Variants in CHD7 observed in about 807,000 individuals in gnomAD.
The protein encoded by CHD7 is chromodomain helicase DNA binding protein 7, also known as ATP-dependent chromatin remodeler CHD7.
Under a neutral mutation model 307.3 loss-of-function variants are expected in CHD7, and 24 were observed. The ratio of observed to expected loss-of-function variants is 0.08; its 90% CI spans 0.06 to 0.11. The LOEUF is 0.11. Among genes scored for constraint, CHD7 ranks in the 10% least tolerant of loss-of-function variants. CHD7 has a pLI of 1.00. For synonymous variants in CHD7, 1,363 were observed against 1,349.9 expected (o/e 1.01, Z -0.21); for missense variants, 3,106 against 3,727.1 (o/e 0.83, Z 4.34).
intron 1 of CHD7, chr8:60,679,689 A>G (rs1269873972): frequency 6.8e-6 from 1 of 146,458 alleles, no homozygotes; most frequent in Admixed American, 6.8e-5. Flanking sequence ...CTCCGGACCG[A>G]CCACGCCGCG....
At chr8:60,744,458 T>G (rs1809218318) in intron 2 of CHD7, among the ~76,000 whole-genome samples, 1 of 140,140 alleles carries the variant, frequency 7.1e-6, no homozygotes, top group Non-Finnish European at 1.5e-5. Context: ...ACAAAGCCAC[T>G]CAGGGCATCT....
intron 1 of CHD7, among the ~76,000 whole-genome samples, chr8:60,735,181 A>AT (rs1808639985): frequency 6.6e-6 from 1 of 152,158 alleles, no homozygotes; most frequent in Admixed American, 6.5e-5. Flanking sequence ...AACCTTGAAT[A>AT]TTTTTTAAAT....
At position 60,680,571 on chromosome 8, in the gene CHD7, C is replaced by T. The variant is rs1805570360; in HGVS notation, c.-175+1489C>T. Among the ~76,000 whole-genome samples the T allele has an allele frequency of 2.0e-5, 3 of 152,160 alleles. No homozygotes were observed. In the South Asian group the frequency reaches 6.2e-4, roughly 31 times the overall value. ...CGGAGCCGTGGGAGCGCACCCCAAA[C>T]TCCCGGCCGGCCGCCCGCTTTGTGA... On this transcript the variant is annotated intron_variant, in intron 1 of 37. Coordinates refer to ENST00000423902, the MANE Select transcript of CHD7 (RefSeq NM_017780.4).
At position 60,741,287 on chromosome 8, in the gene CHD7, G is replaced by T. The variant is rs921036891; in HGVS notation, c.-146G>T. On this transcript the variant is annotated 5_prime_UTR_variant, in exon 2 of 38. Coordinates refer to ENST00000423902, the MANE Select transcript of CHD7 (RefSeq NM_017780.4). ...CTATATCCAGACTTTGCCTGACACT[G>T]CAGGGTCCAAGAGAATTAAAGAAAT... The T allele has an allele frequency of 1.5e-4, 101 of 674,854 alleles. No homozygotes were observed. Among genetic ancestry groups the T allele is most frequent in the Non-Finnish European group, 1.5e-5 (6 of 397,428 alleles). 41.8% of individuals were successfully genotyped at this position (674,854 alleles called of 1,614,324 possible).
At chr8:60,849,931 A>G (rs1186388589) in intron 25 of CHD7, among the ~76,000 whole-genome samples, 4 of 152,180 alleles carry the variant, frequency 2.6e-5, no homozygotes, top group African/African-American at 9.7e-5. Flanking sequence ...GCCATTTTCC[A>G]TCTAGTCAAC....
chr8:60,840,979 T>A (rs1046452482), intron 19 of CHD7, among the ~76,000 whole-genome samples: 1 of 152,224 alleles, frequency 6.6e-6, no homozygotes, highest in Non-Finnish European at 1.5e-5. Flanking sequence ...TGTAAATTAT[T>A]ACAGTGGCTT....
At chr8:60,812,577 T>C (rs1343026905) in intron 7 of CHD7, among the ~76,000 whole-genome samples, 1 of 150,116 alleles carries the variant, frequency 6.7e-6, no homozygotes. Flanking sequence ...GGCAGGAGAA[T>C]CGCTTGAACC....
In CHD7 at chr8:60,852,610, C is replaced by G; in HGVS notation, c.6007C>G (p.Leu2003Val). 1 of 1,613,870 alleles carries G rather than the reference C, an allele frequency of 6.2e-7. No homozygotes were observed. Among genetic ancestry groups the G allele is most frequent in the Non-Finnish European group, 8.5e-7 (1 of 1,179,858 alleles). Reference sequence around the variant, plus strand: ...GAACCAATTTAGAGCCTTTGCCAGGCTTGACAAAAAATCTGATGAGAGTTT... The same window carrying G: ...GAACCAATTTAGAGCCTTTGCCAGGGTTGACAAAAAATCTGATGAGAGTTT... Reference protein sequence around the residue: ...DWNQFRAFARLDKKSDESLEK... With the variant: ...DWNQFRAFARVDKKSDESLEK... Residue 2003 changes from leucine (L) to valine (V), a missense_variant, in exon 30 of 38, where the codon CTT becomes GTT. Leu to Val is a conservative substitution (Grantham distance 32, BLOSUM62 1). This residue lies in a region of CHD7 where 1,030 missense variants were observed against 1,165.4 expected (regional missense o/e 0.88). Transcript: ENST00000423902.
At chr8:60,680,637 A>C (rs1446566110) in intron 1 of CHD7, among the ~76,000 whole-genome samples, 1 of 152,094 alleles carries the variant, frequency 6.6e-6, no homozygotes, top group Non-Finnish European at 1.5e-5. Flanking sequence ...TGCTCCTGCT[A>C]TGGGTCGGAC....
At chr8:60,764,082 G>T (rs574787356) in intron 2 of CHD7, among the ~76,000 whole-genome samples, 1 of 152,240 alleles carries the variant, frequency 6.6e-6, no homozygotes, top group African/African-American at 2.4e-5. Flanking sequence ...CCGCCTCCCG[G>T]GTTCAAGCCA....
chr8:60,750,502 GC>G lies in CHD7; in HGVS notation c.1665+7406del, dbSNP rs1448242644. 4.6e-5 allele frequency among the ~76,000 whole-genome samples: 7 copies of G among 152,288 alleles called. No individual in the cohort carries two copies. The East Asian group carries it at 1.3e-3, about 29-fold the overall frequency. ...AGAACTGTCCAGTTATATGATGGGAGCTACAAATACAACGCATTTATGTTGA... is the reference window on the plus strand; with the variant it reads ...AGAACTGTCCAGTTATATGATGGGAGTACAAATACAACGCATTTATGTTGA... On this transcript the variant is annotated intron_variant, in intron 2 of 37. Transcript: ENST00000423902.
chr8:60,826,314 T>G (rs2150756512), intron 13 of CHD7, among the ~76,000 whole-genome samples: 1 of 152,354 alleles, frequency 6.6e-6, no homozygotes, highest in Non-Finnish European at 1.5e-5. Flanking sequence ...TTTCTAATGA[T>G]GAAGAATTTT....
chr8:60,789,344 C>A (rs180846672), intron 3 of CHD7, among the ~76,000 whole-genome samples: 177 of 152,332 alleles, frequency 1.2e-3, no homozygotes, highest in Admixed American at 3.6e-3. Flanking sequence ...GCTTTAATAC[C>A]TTTCAGTCTT....
At chr8:60,809,334 G>A (rs908705536) in intron 7 of CHD7, among the ~76,000 whole-genome samples, 1 of 152,170 alleles carries the variant, frequency 6.6e-6, no homozygotes, top group Non-Finnish European at 1.5e-5. Flanking sequence ...TGTCCTCAGA[G>A]CATGTCAGTT....
intron 1 of CHD7, among the ~76,000 whole-genome samples, chr8:60,718,736 A>G (rs1276837517): frequency 6.6e-6 from 1 of 152,216 alleles, no homozygotes; most frequent in African/African-American, 2.4e-5. Flanking sequence ...CAATGTTTAT[A>G]AAGTCTACAG....
At position 60,775,760 on chromosome 8, in the gene CHD7, A is replaced by G. The variant is rs917300016; in HGVS notation, c.1666-5240A>G. On this transcript the variant is annotated intron_variant, in intron 2 of 37. Transcript: ENST00000423902. ...AAGAAAACTGAATTTTGGTTAGCAC[A>G]GAATTCTTTATTTTTGAAACGGAGT... Among the ~76,000 whole-genome samples the G allele has an allele frequency of 9.2e-5, 14 of 152,216 alleles. No homozygotes were observed. In the East Asian group the frequency reaches 2.1e-3, roughly 23 times the overall value.
chr8:60,827,937 T>C lies in CHD7; in HGVS notation c.3379-726T>C, dbSNP rs184712932. Among the ~76,000 whole-genome samples the C allele has an allele frequency of 2.2e-3, 336 of 152,294 alleles. 2 individuals carry two copies. Among genetic ancestry groups the C allele is most frequent in the African/African-American group, 7.8e-3 (324 of 41,552 alleles). On this transcript the variant is annotated intron_variant, in intron 13 of 37. Coordinates refer to ENST00000423902, the MANE Select transcript of CHD7 (RefSeq NM_017780.4). ...AAAATAATAGGGTTCTTAAGATTAA[T>C]ATCTCACTATTGTTAAGACTGGCCA...
At chr8:60,836,481 T>C (rs374284859) in intron 16 of CHD7, among the ~76,000 whole-genome samples, 198 bp downstream of exon 16, 1 of 152,214 alleles carries the variant, frequency 6.6e-6, no homozygotes, top group Non-Finnish European at 1.5e-5. Context: ...CATACTTTTT[T>C]AGGCAATTTT....
At chr8:60,813,836 A>G (rs1186387701) in intron 7 of CHD7, among the ~76,000 whole-genome samples, 6 of 151,176 alleles carry the variant, frequency 4.0e-5, no homozygotes, top group Admixed American at 2.6e-4. Context: ...AAATATTTAT[A>G]AGTATTATAA....
Sources: allele counts gnomAD v4.1 joint callset (sites outside exome capture counted in the v4.1 genomes callset), GRCh38; gene constraint gnomAD v4.1.1; regional missense constraint gnomAD v4.1.1; transcripts MANE v1.5; gene names NCBI Gene and HGNC (gene_info 2026-07-23, HGNC 2026-07-21).